The following VPS53 variants were observed in gnomAD, a reference collection of about 807,000 sequenced individuals.
The protein encoded by VPS53 is VPS53 subunit of GARP complex, also known as vacuolar protein sorting-associated protein 53 homolog.
VPS53 carries 70 observed loss-of-function variants against 107.0 expected under a neutral mutation model. The observed-to-expected ratio is 0.65, with a 90% CI of 0.54 to 0.80. The LOEUF is 0.80. Ranked by LOEUF, VPS53 falls within the 30% of genes least tolerant of loss-of-function variation. The probability of loss-of-function intolerance (pLI) is 0.00; values close to 1 mark genes in which losing one functional copy is unlikely to be tolerated. For missense variants in VPS53, 917 were observed against 1,049.4 expected (o/e 0.87, Z 1.74); for synonymous variants, 409 against 393.3 (o/e 1.04, Z -0.47).
At chr17:704,779 G>GCA (rs1973337852) in intron 2 of VPS53, among the ~76,000 whole-genome samples, 1 of 152,104 alleles carries the variant, frequency 6.6e-6, no homozygotes, top group South Asian at 2.1e-4. Flanking sequence ...AAAAAATACA[G>GCA]CACATACACA....
intron 4 of VPS53, among the ~76,000 whole-genome samples, chr17:672,187 C>G (rs1971990630): frequency 6.7e-6 from 1 of 150,180 alleles, no homozygotes; most frequent in South Asian, 2.2e-4. Flanking sequence ...CTCTCTCTCT[C>G]TCTCTCTCTC....
At chr17:631,424 G>A (rs1000192118) in intron 8 of VPS53, 126 bp downstream of exon 8, 10 of 991,202 alleles carry the variant, frequency 1.0e-5, no homozygotes, top group Non-Finnish European at 1.3e-5. Flanking sequence ...CCCTGAACCT[G>A]CAGCAGAAGG....
chr17:672,204 T>TCC (rs1280527084), intron 4 of VPS53, among the ~76,000 whole-genome samples: 1 of 151,568 alleles, frequency 6.6e-6, no homozygotes, highest in East Asian at 1.9e-4. Context: ...TCTCTCTCTC[T>TCC]CTCTCTCTGA....
intron 4 of VPS53, among the ~76,000 whole-genome samples, chr17:680,268 T>C (rs1265053744): frequency 6.6e-6 from 1 of 152,186 alleles, no homozygotes; most frequent in Non-Finnish European, 1.5e-5. Context: ...CACTCCAGCC[T>C]GGGTGACAAA....
chr17:520,113 C>T lies in VPS53; in HGVS notation c.2224-183G>A, dbSNP rs1410721755. Among the ~76,000 whole-genome samples, 2 of 152,210 alleles carry T rather than the reference C, an allele frequency of 1.3e-5. No individual in the cohort carries two copies. The highest frequency in any genetic ancestry group is 2.9e-5 in the Non-Finnish European group (2 of 68,038). On this transcript the variant is annotated intron_variant, in intron 20 of 21. Transcript: ENST00000437048. This position sits in a 1 kb window ranked among gnomAD's most constrained non-coding sequence, Gnocchi z 4.4. ...ATGGATTCTGAGAGGTTTCCTTAAG[C>T]AGCAGCAACCCAGACTAGAAACGCC...
rs933102032 is a variant in VPS53, at chr17:536,877, T to A, written c.2015+151A>T. The A allele has an allele frequency of 1.1e-5, 10 of 934,752 alleles. No homozygotes were observed. In the African/African-American group the frequency reaches 1.7e-4, roughly 16 times the overall value. 57.9% of individuals were successfully genotyped at this position (934,752 alleles called of 1,614,324 possible). ...CACTTTGTGTGTGGGGAGGTGTCGGTAATGGGAAGACTGTGCATGTTGGGG... is the reference window on the plus strand; with the variant it reads ...CACTTTGTGTGTGGGGAGGTGTCGGAAATGGGAAGACTGTGCATGTTGGGG... On this transcript the variant is annotated intron_variant, in intron 18 of 21. Transcript: ENST00000437048.
intron 12 of VPS53, among the ~76,000 whole-genome samples, chr17:592,463 T>C (rs529637357): frequency 7.2e-5 from 11 of 152,326 alleles, no homozygotes; most frequent in South Asian, 2.1e-4. Context: ...TGCTCGTTAG[T>C]TGATGCAGTT....
chr17:630,990 T>C (rs756196056), intron 8 of VPS53, among the ~76,000 whole-genome samples: 6 of 152,126 alleles, frequency 3.9e-5, no homozygotes, highest in Non-Finnish European at 8.8e-5. Context: ...GCTTGTTACA[T>C]GAGAAGTGCA....
chr17:700,646 A>T (rs1285846639), intron 2 of VPS53, among the ~76,000 whole-genome samples: 2 of 152,216 alleles, frequency 1.3e-5, no homozygotes, highest in African/African-American at 4.8e-5. Context: ...ACAACAATTA[A>T]AACAAAGGGA....
chr17:596,130 T>A lies in VPS53; in HGVS notation c.1218+5665A>T, dbSNP rs79307320. Among the ~76,000 whole-genome samples the A allele has an allele frequency of 5.7e-3, 869 of 152,368 alleles. 12 individuals carry two copies. Among genetic ancestry groups the A allele is most frequent in the African/African-American group, 0.019 (786 of 41,584 alleles). On this transcript the variant is annotated intron_variant, in intron 12 of 21. Transcript: ENST00000437048. ...ATGAGCCCATAATTATTTCAAAATA[T>A]AAAGTTTTTTAAAAAGTGGTTCAGA... is the stretch of plus-strand genomic sequence containing the variant.
intron 13 of VPS53, among the ~76,000 whole-genome samples, chr17:568,900 G>C (rs1409394893): frequency 6.6e-6 from 1 of 152,180 alleles, no homozygotes; most frequent in African/African-American, 2.4e-5. Context: ...ATATGTAGAA[G>C]CAGGTGCACA....
intron 11 of VPS53, among the ~76,000 whole-genome samples, chr17:618,483 T>C (rs1044960723): frequency 5.3e-5 from 8 of 150,246 alleles, no homozygotes; most frequent in African/African-American, 2.0e-4. Context: ...CCCGGGTAGC[T>C]GGGACTACAG....
Position 553,404 on chromosome 17 carries a change from G to A in VPS53, c.1763C>T (p.Thr588Ile), listed in dbSNP as rs1159057473. Reference protein sequence around the residue: ...DVSLIERINLTGEMDTFSTVI... With the variant: ...DVSLIERINLIGEMDTFSTVI... ...CGTGCTGAACGTGTCCATCTCTCCAGTCAGATTGATTCGTTCAATCAGACT... is the reference window on the plus strand; with the variant it reads ...CGTGCTGAACGTGTCCATCTCTCCAATCAGATTGATTCGTTCAATCAGACT... Residue 588 changes from threonine to isoleucine, a missense_variant, in exon 16 of 22, where the codon ACT becomes ATT. By Grantham distance (89) the Thr-to-Ile change is moderately conservative. Transcript: ENST00000437048. 6.2e-7 allele frequency: 1 copy of A among 1,614,088 alleles called. No homozygotes were observed.
chr17:654,935 C>T lies in VPS53; in HGVS notation c.488+903G>A, dbSNP rs140616835. Reference sequence around the variant, plus strand: ...GACCGCCCTCTGGCCTCCCTCTGGCCGCTGCTCTCACTGCTCACAGGAGAG... The same window carrying T: ...GACCGCCCTCTGGCCTCCCTCTGGCTGCTGCTCTCACTGCTCACAGGAGAG... On this transcript the variant is annotated intron_variant, in intron 6 of 21. Transcript: ENST00000437048. Among the ~76,000 whole-genome samples, 114 of 152,198 alleles carry T rather than the reference C, an allele frequency of 7.5e-4. No homozygotes were observed. In the East Asian group the frequency reaches 0.02, roughly 27 times the overall value.
At chr17:706,047 T>C (rs1413250041) in intron 2 of VPS53, 2 of 152,208 alleles carry the variant, frequency 1.3e-5, no homozygotes, top group East Asian at 3.8e-4. Context: ...ATGGCAACGC[T>C]ATCACATTTA....
At chr17:689,074 T>C (rs1972689941) in intron 4 of VPS53, among the ~76,000 whole-genome samples, 1 of 152,172 alleles carries the variant, frequency 6.6e-6, no homozygotes, top group Non-Finnish European at 1.5e-5. Context: ...GCAATTGCCA[T>C]TTTTTTCCAA....
At position 627,189 on chromosome 17, in the gene VPS53, A is replaced by C. The variant is rs1302881349; in HGVS notation, c.959T>G (p.Phe320Cys). ...WCMAERIAVE[F>C]CHVTRAELAK... is the part of the protein sequence containing the mutation. ...TGGCATCTACCTTGTCACATGGCAAAATTCCACCGCAATCCTCTCAGCCAT... is the reference window on the plus strand; with the variant it reads ...TGGCATCTACCTTGTCACATGGCAACATTCCACCGCAATCCTCTCAGCCAT... The change falls in exon 10 of 22, where the codon TTT (phenylalanine) becomes TGT (cysteine). Residue 320 changes from phenylalanine (F) to cysteine (C), a missense_variant. Coordinates refer to ENST00000437048, the MANE Select transcript of VPS53 (RefSeq NM_001128159.3). The C allele has an allele frequency of 2.5e-6, 4 of 1,612,550 alleles. No homozygotes were observed. The Admixed American group carries it at 6.7e-5, about 27-fold the overall frequency.
At chr17:618,373 C>T (rs1969262018) in intron 11 of VPS53, among the ~76,000 whole-genome samples, 1 of 114,366 alleles carries the variant, frequency 8.7e-6, no homozygotes, top group Non-Finnish European at 2.0e-5. Context: ...ACTAATATTT[C>T]CCGGGTAGCT....
At chr17:632,980 A>G in intron 7 of VPS53, 1 of 350,300 alleles carries the variant, frequency 2.9e-6, no homozygotes. Flanking sequence ...CTGAGTGACC[A>G]TTTAAGTTCA....
Sources: allele counts gnomAD v4.1 joint callset (sites outside exome capture counted in the v4.1 genomes callset), GRCh38; gene constraint gnomAD v4.1.1; non-coding constraint Gnocchi (gnomAD v3.1); transcripts MANE v1.5; gene names NCBI Gene and HGNC (gene_info 2026-07-23, HGNC 2026-07-21).